Variants in SLC24A3 observed in about 807,000 individuals in gnomAD.
SLC24A3 encodes the protein sodium/potassium/calcium exchanger 3.
Under a neutral mutation model 75.8 loss-of-function variants are expected in SLC24A3, and 28 were observed. The ratio of observed to expected loss-of-function variants is 0.37; its 90% CI spans 0.27 to 0.51. The LOEUF (loss-of-function observed/expected upper bound fraction) is 0.51. Among genes scored for constraint, SLC24A3 ranks in the 20% least tolerant of loss-of-function variants. The pLI, the probability that SLC24A3 is intolerant of heterozygous loss-of-function variation, is 0.94. For synonymous variants in SLC24A3, 372 were observed against 334.1 expected (o/e 1.11, Z -1.24); for missense variants, 663 against 847.8 (o/e 0.78, Z 2.71).
At chr20:19,542,618 A>G (rs778551492) in intron 3 of SLC24A3, among the ~76,000 whole-genome samples, 2 of 152,216 alleles carry the variant, frequency 1.3e-5, no homozygotes, top group Admixed American at 6.5e-5. Context: ...TTCAGCATAT[A>G]GATGCCAGCT....
At chr20:19,265,045 C>A (rs1983121653) in intron 1 of SLC24A3, among the ~76,000 whole-genome samples, 1 of 152,240 alleles carries the variant, frequency 6.6e-6, no homozygotes, top group African/African-American at 2.4e-5. Context: ...TCAGACTTGG[C>A]TGTTGGAAAA....
At chr20:19,697,757 C>T (rs540495033) in intron 14 of SLC24A3, among the ~76,000 whole-genome samples, 4 of 152,120 alleles carry the variant, frequency 2.6e-5, no homozygotes, top group South Asian at 2.1e-4. Context: ...TCAGTTATTC[C>T]GAAGAAGGAC....
At chr20:19,495,109 C>T (rs964933208) in intron 2 of SLC24A3, among the ~76,000 whole-genome samples, 6 of 152,158 alleles carry the variant, frequency 3.9e-5, no homozygotes, top group African/African-American at 1.4e-4. Flanking sequence ...GTCTACCACC[C>T]CTCTTGGAGT....
chr20:19,442,641 C>T (rs8124532), intron 2 of SLC24A3, among the ~76,000 whole-genome samples: 7 of 152,158 alleles, frequency 4.6e-5, no homozygotes, highest in Non-Finnish European at 2.9e-5. Flanking sequence ...AATATATTCA[C>T]CCAGTCTGTG....
intron 2 of SLC24A3, among the ~76,000 whole-genome samples, chr20:19,367,554 C>T (rs1985914877): frequency 6.6e-6 from 1 of 151,916 alleles, no homozygotes; most frequent in African/African-American, 2.4e-5. Context: ...AAGGGCTCTC[C>T]TTGCCTAGAA....
chr20:19,381,464 G>A (rs1023992304), intron 2 of SLC24A3, among the ~76,000 whole-genome samples: 8 of 152,172 alleles, frequency 5.3e-5, no homozygotes, highest in Non-Finnish European at 1.2e-4. Context: ...TGAATAGAGG[G>A]ATTGAACTAT....
intron 12 of SLC24A3, among the ~76,000 whole-genome samples, chr20:19,685,594 T>C (rs1240087316): frequency 6.6e-6 from 1 of 152,210 alleles, no homozygotes; most frequent in Non-Finnish European, 1.5e-5. Context: ...AACTCTGTTT[T>C]GTGGAAGTGT....
chr20:19,695,582 T>C (rs1834124850), intron 13 of SLC24A3: 1 of 152,222 alleles, frequency 6.6e-6, no homozygotes, highest in Non-Finnish European at 1.5e-5. Flanking sequence ...GTGATGGAAG[T>C]GACGAAGTCC....
intron 2 of SLC24A3, among the ~76,000 whole-genome samples, chr20:19,390,145 T>C (rs1170859636): frequency 6.6e-6 from 1 of 152,256 alleles, no homozygotes; most frequent in Non-Finnish European, 1.5e-5. Flanking sequence ...TTGTCTGTTA[T>C]CTCTTGCAGC....
chr20:19,670,116 C>T (rs865989697), intron 8 of SLC24A3, among the ~76,000 whole-genome samples: 1 of 151,936 alleles, frequency 6.6e-6, no homozygotes, highest in Non-Finnish European at 1.5e-5. Context: ...AGAGCTGGCC[C>T]GACCTGGAGC....
intron 2 of SLC24A3, among the ~76,000 whole-genome samples, chr20:19,463,385 T>C (rs1045809914): frequency 6.6e-6 from 1 of 152,192 alleles, no homozygotes; most frequent in Non-Finnish European, 1.5e-5. Flanking sequence ...ATTTCAGTCT[T>C]GGTGAAATAA....
intron 1 of SLC24A3, among the ~76,000 whole-genome samples, chr20:19,258,238 TC>T (rs1200275535): frequency 6.6e-6 from 1 of 152,160 alleles, no homozygotes; most frequent in Non-Finnish European, 1.5e-5. Flanking sequence ...CAGCTCTTCT[TC>T]CCACCCCATG....
intron 6 of SLC24A3, among the ~76,000 whole-genome samples, chr20:19,642,974 T>C (rs1024515355): frequency 6.6e-6 from 1 of 152,056 alleles, no homozygotes; most frequent in African/African-American, 2.4e-5. Context: ...TGTGTTCGAT[T>C]TGCCCTGGCT....
chr20:19,388,067 C>A (rs1029200699), intron 2 of SLC24A3, among the ~76,000 whole-genome samples: 1 of 152,014 alleles, frequency 6.6e-6, no homozygotes, highest in Non-Finnish European at 1.5e-5. Flanking sequence ...GGTATCCATC[C>A]CCTCAAGCTT....
chr20:19,253,367 G>T (rs964710902), intron 1 of SLC24A3, among the ~76,000 whole-genome samples: 1 of 152,228 alleles, frequency 6.6e-6, no homozygotes, highest in African/African-American at 2.4e-5. Context: ...GAAGGTGTGC[G>T]CAGCACAGGC....
At position 19,691,708 on chromosome 20, in the gene SLC24A3, TA is replaced by T. The variant is rs535307585; in HGVS notation, c.1325-1547del. On this transcript the variant is annotated intron_variant, in intron 12 of 16. Coordinates refer to ENST00000328041, the MANE Select transcript of SLC24A3 (RefSeq NM_020689.4). Reference sequence around the variant, plus strand: ...GGTTGCCAGGGTTGGCTGTGGGGGATAAAAGAAAGGGAAAGATCAAGAATGA... The same window carrying T: ...GGTTGCCAGGGTTGGCTGTGGGGGATAAAGAAAGGGAAAGATCAAGAATGA... Among the ~76,000 whole-genome samples, 711 of 152,076 alleles carry T rather than the reference TA, an allele frequency of 4.7e-3. 2 individuals are homozygous for T. The highest frequency in any genetic ancestry group is 7.4e-3 in the Non-Finnish European group (505 of 67,978).
chr20:19,560,026 T>A (rs1316420520), intron 3 of SLC24A3, among the ~76,000 whole-genome samples: 1 of 152,088 alleles, frequency 6.6e-6, no homozygotes, highest in Non-Finnish European at 1.5e-5. Flanking sequence ...TTTACAACAG[T>A]CCTGAATTTT....
chr20:19,516,837 TGGAGCAGGTCAGCA>T (rs1034795295), intron 3 of SLC24A3, among the ~76,000 whole-genome samples: 4 of 152,208 alleles, frequency 2.6e-5, no homozygotes, highest in African/African-American at 9.7e-5. Flanking sequence ...AACCCACAGC[TGGAGCAGGTCAGCA>T]GGCACAGCCT....
intron 2 of SLC24A3, among the ~76,000 whole-genome samples, chr20:19,336,695 C>T (rs1204322785): frequency 7.8e-6 from 1 of 128,686 alleles, no homozygotes; most frequent in Non-Finnish European, 1.7e-5. Flanking sequence ...CACCCCCCAC[C>T]CCCCACCCCC....
Sources: gnomAD v4.1 joint callset for allele counts (sites outside exome capture counted in the v4.1 genomes callset) on GRCh38, gnomAD v4.1.1 for gene constraint, MANE v1.5 for transcripts, NCBI Gene and HGNC (gene_info 2026-07-23, HGNC 2026-07-21) for gene names.